RBMS2: variants seen among roughly 807,000 people sequenced by gnomAD.
RBMS2 encodes RNA binding motif single stranded interacting protein 2, also known as RNA-binding motif, single-stranded-interacting protein 2.
A neutral mutation model predicts 58.4 loss-of-function variants in RBMS2; 38 were observed. That is an observed-to-expected ratio of 0.65 (90% CI 0.50 to 0.85). The LOEUF is 0.85. Among genes scored for constraint, RBMS2 ranks in the 40% least tolerant of loss-of-function variants. The pLI is 0.00. For synonymous variants in RBMS2, 151 were observed against 180.7 expected (o/e 0.84, Z 1.32); for missense variants, 367 against 503.7 (o/e 0.73, Z 2.60).
chr12:56,567,466 GGAA>G (rs896928117), intron 2 of RBMS2, among the ~76,000 whole-genome samples: 26 of 151,380 alleles, frequency 1.7e-4, no homozygotes, highest in African/African-American at 4.1e-4. Flanking sequence ...AGAAGAAGAA[GGAA>G]GAAGAAGAAG....
chr12:56,579,579 A>T (rs1208253470), intron 5 of RBMS2, among the ~76,000 whole-genome samples: 2 of 151,364 alleles, frequency 1.3e-5, no homozygotes, highest in East Asian at 3.9e-4. Context: ...GCTTGTAGTG[A>T]GCCGAGATCG....
chr12:56,551,965 G>A (rs925666469), intron 1 of RBMS2, among the ~76,000 whole-genome samples: 1 of 152,182 alleles, frequency 6.6e-6, no homozygotes, highest in Non-Finnish European at 1.5e-5. Flanking sequence ...GCATGCGCCT[G>A]TAGTCCCAGG....
chr12:56,553,087 T>C (rs1399647376), intron 1 of RBMS2, among the ~76,000 whole-genome samples: 1 of 151,256 alleles, frequency 6.6e-6, no homozygotes, highest in Non-Finnish European at 1.5e-5. Context: ...CAGCTAATTT[T>C]TGTATTTTTA....
chr12:56,581,118 T>C, intron 5 of RBMS2, 66 bp from the exon 6 acceptor site: 2 of 1,334,108 alleles, frequency 1.5e-6, no homozygotes, highest in Non-Finnish European at 2.2e-6. Flanking sequence ...CTTTGCTTTC[T>C]CTTTCAATGT....
At chr12:56,586,575 A>G (rs1386925576) in intron 9 of RBMS2, among the ~76,000 whole-genome samples, 2 of 147,848 alleles carry the variant, frequency 1.4e-5, no homozygotes, top group Non-Finnish European at 3.0e-5. Context: ...TTTTTTACTA[A>G]TTTTTTTAGT....
At position 56,536,320 on chromosome 12, in the gene RBMS2, C is replaced by T. The variant is rs546523369; in HGVS notation, c.66+14231C>T. Among the ~76,000 whole-genome samples the T allele has an allele frequency of 4.2e-3, 638 of 151,464 alleles. 5 individuals carry two copies. Among genetic ancestry groups the T allele is most frequent in the African/African-American group, 0.015 (614 of 41,222 alleles). On this transcript the variant is annotated intron_variant, in intron 1 of 13. Coordinates refer to ENST00000262031, the MANE Select transcript of RBMS2 (RefSeq NM_002898.4). ...TTGTATTTTTGTAGTGATAGGGTTT[C>T]ACCATGTTACCCAGGCTGTTCTTGA...
At chr12:56,536,200 C>CAAAAAAAAAAA (rs71446560) in intron 1 of RBMS2, among the ~76,000 whole-genome samples, 27 of 76,434 alleles carry the variant, frequency 3.5e-4, no homozygotes, top group African/African-American at 1.7e-3. Context: ...AACTCTGTCT[C>CAAAAAAAAAAA]AAAAAAAAAA....
At chr12:56,581,299 GGTT>G in intron 6 of RBMS2, 36 bp downstream of exon 6, 1 of 1,584,068 alleles carries the variant, frequency 6.3e-7, no homozygotes. Flanking sequence ...GAGGGCCACA[GGTT>G]GTTACTTCCA....
chr12:56,524,734 T>G (rs1872339447), intron 1 of RBMS2, among the ~76,000 whole-genome samples: 1 of 151,868 alleles, frequency 6.6e-6, no homozygotes, highest in Non-Finnish European at 1.5e-5. Flanking sequence ...ATTTATTTAT[T>G]TGAGATGGAG....
intron 12 of RBMS2, 78 bp from the exon 13 acceptor site, chr12:56,588,854 T>C: frequency 7.2e-7 from 1 of 1,386,812 alleles, no homozygotes; most frequent in Non-Finnish European, 1.0e-6. Flanking sequence ...CGATGTAGGG[T>C]GGGCTTTGGT....
intron 6 of RBMS2, 21 bp from the exon 7 acceptor site, chr12:56,581,378 A>C: frequency 6.2e-7 from 1 of 1,613,200 alleles, no homozygotes; most frequent in Non-Finnish European, 8.5e-7. Flanking sequence ...TCAGCTGCCC[A>C]TCTGCCTTCT....
intron 5 of RBMS2, among the ~76,000 whole-genome samples, chr12:56,575,848 C>T (rs1883045312): frequency 6.6e-6 from 1 of 151,184 alleles, no homozygotes; most frequent in African/African-American, 2.4e-5. Context: ...GAGCTGAGAT[C>T]ACGCCATTGC....
In RBMS2 at chr12:56,582,085, C is replaced by A. The variant is rs767099663; in HGVS notation, c.806C>A (p.Thr269Asn). Residue 269 changes from threonine (T) to asparagine (N), a missense_variant, in exon 9 of 14, where the codon ACC (threonine) becomes AAC (asparagine). Thr to Asn is a moderately conservative substitution (Grantham distance 65). This residue lies in a region of RBMS2 where 220 missense variants were observed against 261.1 expected (regional missense o/e 0.84). Transcript: ENST00000262031. The part of the protein sequence containing the change: ...NGFYPAPYNI[T>N]PNRMLAQSAL... ...TTTTACCCAGCCCCCTATAACATCA[C>A]CCCCAACAGGATGCTTGCTCAGTCT... 6.2e-7 allele frequency: 1 copy of A among 1,612,938 alleles called. No individual in the cohort carries two copies. The highest frequency in any genetic ancestry group is 2.2e-5 in the East Asian group (1 of 44,880).
chr12:56,574,139 C>T (rs906302311), intron 5 of RBMS2, among the ~76,000 whole-genome samples: 3 of 152,136 alleles, frequency 2.0e-5, no homozygotes, highest in African/African-American at 7.2e-5. Flanking sequence ...CTGCGCCCAG[C>T]CAGTCCACAC....
chr12:56,558,296 T>A, intron 1 of RBMS2, among the ~76,000 whole-genome samples: 1 of 149,540 alleles, frequency 6.7e-6, no homozygotes, highest in Non-Finnish European at 1.5e-5. Context: ...TCCGCCAGCC[T>A]CGGCCTCCCA....
intron 1 of RBMS2, among the ~76,000 whole-genome samples, chr12:56,558,924 T>A (rs1473037430): frequency 6.6e-6 from 1 of 151,862 alleles, no homozygotes; most frequent in Admixed American, 6.6e-5. Context: ...AGAGTTAGGG[T>A]CTCACTATGT....
rs781002938 is a variant in RBMS2 at position 56,562,620 on chromosome 12, A to G, written c.233+37A>G. ...TACATGTGCGTAGGCTTCCAGGGAC[A>G]GTATAGATTTGGTTTTGAGACAGGG... is the stretch of plus-strand genomic sequence containing the variant. On this transcript the variant is annotated intron_variant, in intron 2 of 13. Coordinates refer to ENST00000262031, the MANE Select transcript of RBMS2 (RefSeq NM_002898.4). 33 of 1,590,020 alleles carry G rather than the reference A, an allele frequency of 2.1e-5. No individual in the cohort carries two copies. In the Admixed American group the frequency reaches 2.8e-4, roughly 14 times the overall value.
chr12:56,555,975 G>GT (rs943099306), intron 1 of RBMS2, among the ~76,000 whole-genome samples: 12 of 151,860 alleles, frequency 7.9e-5, no homozygotes, highest in African/African-American at 2.7e-4. Flanking sequence ...GAGCCCAGGA[G>GT]TTTGAGATTA....
chr12:56,525,354 TG>T (rs1408612756), intron 1 of RBMS2, among the ~76,000 whole-genome samples: 1 of 151,878 alleles, frequency 6.6e-6, no homozygotes, highest in Non-Finnish European at 1.5e-5. Context: ...CCTGGGTAGC[TG>T]GGACTACAGG....
Sources: allele counts gnomAD v4.1 joint callset (sites outside exome capture counted in the v4.1 genomes callset), GRCh38; gene constraint gnomAD v4.1.1; regional missense constraint gnomAD v4.1.1; transcripts MANE v1.5; gene names NCBI Gene and HGNC (gene_info 2026-07-23, HGNC 2026-07-21).